Variants in PRDM5 observed in about 807,000 individuals in gnomAD.
PRDM5 encodes the protein PR/SET domain 5.
Under a neutral mutation model 81.2 loss-of-function variants are expected in PRDM5, and 56 were observed. The ratio of observed to expected loss-of-function variants is 0.69; its 90% CI spans 0.56 to 0.86. The LOEUF is 0.86. Among genes scored for constraint, PRDM5 ranks in the 40% least tolerant of loss-of-function variants. The pLI, the probability that PRDM5 is intolerant of heterozygous loss-of-function variation, is 0.00. For synonymous variants in PRDM5, 267 were observed against 256.4 expected, an observed-to-expected ratio of 1.04 and a Z score of -0.39; for missense variants, 697 against 770.1, an observed-to-expected ratio of 0.91 and a Z score of 1.12.
chr4:120,712,265 G>A (rs1338795740), intron 14 of PRDM5, among the ~76,000 whole-genome samples: 27 of 152,258 alleles, frequency 1.8e-4, no homozygotes, highest in South Asian at 2.1e-4. Context: ...CAGCCTGGGC[G>A]ACAAGAGCAA....
chr4:120,843,086 C>A (rs992983695), intron 3 of PRDM5, among the ~76,000 whole-genome samples: 7 of 152,152 alleles, frequency 4.6e-5, no homozygotes, highest in African/African-American at 1.7e-4. Context: ...AATCCCAGCA[C>A]TTTAGGATGC....
At chr4:120,783,163 A>T (rs1235030493) in intron 11 of PRDM5, among the ~76,000 whole-genome samples, 1 of 152,122 alleles carries the variant, frequency 6.6e-6, no homozygotes, top group Non-Finnish European at 1.5e-5. Context: ...AATGGGTTTT[A>T]ATTTTCATAT....
intron 15 of PRDM5, among the ~76,000 whole-genome samples, chr4:120,703,904 G>T (rs1735739569): frequency 6.7e-6 from 1 of 149,132 alleles, no homozygotes; most frequent in Non-Finnish European, 1.5e-5. Flanking sequence ...TTTTCCATTT[G>T]CCTGGCTGAC....
At chr4:120,905,818 A>G (rs1171860651) in intron 2 of PRDM5, among the ~76,000 whole-genome samples, 1 of 152,044 alleles carries the variant, frequency 6.6e-6, no homozygotes, top group Non-Finnish European at 1.5e-5. Context: ...TCTACCTCCT[A>G]CATGTATCTC....
intron 15 of PRDM5, among the ~76,000 whole-genome samples, chr4:120,708,455 A>C (rs1395855910): frequency 6.6e-6 from 1 of 152,134 alleles, no homozygotes; most frequent in Non-Finnish European, 1.5e-5. Flanking sequence ...TATAGAAGTG[A>C]AAGCAGATTG....
intron 15 of PRDM5, among the ~76,000 whole-genome samples, chr4:120,707,131 C>A (rs750543854): frequency 5.3e-5 from 8 of 152,022 alleles, no homozygotes; most frequent in Non-Finnish European, 1.2e-4. Flanking sequence ...AAACTACAGA[C>A]CAAAATCTCT....
At chr4:120,775,359 G>A (rs949710795) in intron 13 of PRDM5, among the ~76,000 whole-genome samples, 2 of 151,990 alleles carry the variant, frequency 1.3e-5, no homozygotes, top group African/African-American at 4.8e-5. Context: ...TAAAATTTTA[G>A]AAGCAATTAC....
At chr4:120,894,931 C>A (rs965000900) in intron 2 of PRDM5, among the ~76,000 whole-genome samples, 26 of 152,322 alleles carry the variant, frequency 1.7e-4, no homozygotes, top group African/African-American at 5.5e-4. Flanking sequence ...ATTTCTGCTT[C>A]CGCTCCATTC....
chr4:120,762,111 T>A (rs1002677047), intron 13 of PRDM5, among the ~76,000 whole-genome samples: 5 of 152,138 alleles, frequency 3.3e-5, no homozygotes, highest in African/African-American at 1.2e-4. Context: ...TAACTTGTCA[T>A]TTAATATATT....
At chr4:120,809,901 G>T (rs1417255449) in intron 8 of PRDM5, among the ~76,000 whole-genome samples, 8 of 152,194 alleles carry the variant, frequency 5.3e-5, no homozygotes, top group African/African-American at 1.9e-4. Context: ...TATAGTTTCT[G>T]TATTCCATTA....
At chr4:120,757,892 C>T (rs908124118) in intron 13 of PRDM5, among the ~76,000 whole-genome samples, 1 of 151,568 alleles carries the variant, frequency 6.6e-6, no homozygotes, top group Admixed American at 6.6e-5. Flanking sequence ...TCTCCTTCTT[C>T]TTCTTCTTCT....
At chr4:120,838,628 G>A (rs115699765) in intron 3 of PRDM5, 30,314 of 152,136 alleles carry the variant, frequency 0.2, 3,685 homozygotes, top group Non-Finnish European at 0.28. Flanking sequence ...AGATCACCAG[G>A]CATTAGCTAG....
At chr4:120,804,524 C>T (rs1247670388) in intron 8 of PRDM5, among the ~76,000 whole-genome samples, 1 of 152,184 alleles carries the variant, frequency 6.6e-6, no homozygotes, top group African/African-American at 2.4e-5. Flanking sequence ...TGCAATCAAA[C>T]TAGAACTCAG....
chr4:120,921,726 G>A (rs1057502016), intron 1 of PRDM5, among the ~76,000 whole-genome samples: 3 of 152,196 alleles, frequency 2.0e-5, no homozygotes, highest in Non-Finnish European at 4.4e-5. Context: ...GACTTTTCCT[G>A]TGGCCTCTCT....
chr4:120,843,685 T>TA (rs375029200), intron 3 of PRDM5, among the ~76,000 whole-genome samples: 3,184 of 123,478 alleles, frequency 0.026, 43 homozygotes, highest in Non-Finnish European at 0.037. Flanking sequence ...GATCCGGCCT[T>TA]AAAAAAAAAA....
chr4:120,703,862 T>C (rs1413704209), intron 15 of PRDM5, among the ~76,000 whole-genome samples: 1 of 152,138 alleles, frequency 6.6e-6, no homozygotes, highest in Non-Finnish European at 1.5e-5. Flanking sequence ...AAATATCTCA[T>C]TTCAAACAGA....
intron 14 of PRDM5, among the ~76,000 whole-genome samples, chr4:120,731,199 A>C (rs1740198561): frequency 6.6e-6 from 1 of 152,114 alleles, no homozygotes; most frequent in African/African-American, 2.4e-5. Context: ...ACCATGAGCA[A>C]GAGATTTTTA....
intron 10 of PRDM5, among the ~76,000 whole-genome samples, chr4:120,794,552 C>G (rs867727300): frequency 1.6e-5 from 2 of 127,302 alleles, no homozygotes; most frequent in Non-Finnish European, 3.6e-5. Context: ...CACACACACA[C>G]ACACACATAC....
At chr4:120,781,494 T>C (rs1036572342) in intron 11 of PRDM5, among the ~76,000 whole-genome samples, 191 bp from the exon 12 acceptor site, 11 of 152,184 alleles carry the variant, frequency 7.2e-5, no homozygotes, top group African/African-American at 2.4e-4. Flanking sequence ...AGAAGTCCTT[T>C]CATCTTACAT....
Sources: gnomAD v4.1 joint callset for allele counts (sites outside exome capture counted in the v4.1 genomes callset) on GRCh38, gnomAD v4.1.1 for gene constraint, MANE v1.5 for transcripts, NCBI Gene and HGNC (gene_info 2026-07-23, HGNC 2026-07-21) for gene names.